HDAC9: variants seen among roughly 807,000 people sequenced by gnomAD.
HDAC9 encodes the protein MEF-2 interacting transcription repressor (MITR) protein.
HDAC9 carries 41 observed loss-of-function variants against 139.4 expected under a neutral mutation model. The observed-to-expected ratio is 0.29, with a 90% confidence interval of 0.23 to 0.38. The LOEUF is 0.38. HDAC9 is among the 10% of genes least tolerant of loss of function. The pLI, the probability that HDAC9 is intolerant of heterozygous loss-of-function variation, is 1.00. For missense variants in HDAC9, 1,147 were observed against 1,297.0 expected, an observed-to-expected ratio of 0.88 and a Z score of 1.78; for synonymous variants, 517 against 476.2, an observed-to-expected ratio of 1.09 and a Z score of -1.12.
intron 2 of HDAC9, among the ~76,000 whole-genome samples, chr7:18,225,628 A>T (rs763375315): frequency 4.6e-5 from 7 of 152,184 alleles, no homozygotes; most frequent in Non-Finnish European, 8.8e-5. Context: ...AATTGAATGA[A>T]TAAAAATTAA....
At chr7:18,677,727 T>C (rs1271744856) in intron 12 of HDAC9, among the ~76,000 whole-genome samples, 1 of 151,962 alleles carries the variant, frequency 6.6e-6, no homozygotes, top group Non-Finnish European at 1.5e-5. Flanking sequence ...TATTGTTGGT[T>C]ATCAAATTAT....
chr7:18,447,628 C>T (rs1792416936), intron 1 of HDAC9, among the ~76,000 whole-genome samples: 1 of 152,150 alleles, frequency 6.6e-6, no homozygotes, highest in African/African-American at 2.4e-5. Context: ...TCACCAATAC[C>T]TAAAACATCT....
At chr7:18,267,377 T>C (rs555147230) in intron 2 of HDAC9, among the ~76,000 whole-genome samples, 32 of 152,238 alleles carry the variant, frequency 2.1e-4, no homozygotes, top group African/African-American at 7.5e-4. Context: ...TGACGTACAA[T>C]AGATCTCTTG....
At chr7:18,333,091 A>G (rs1396288502) in intron 1 of HDAC9, among the ~76,000 whole-genome samples, 1 of 151,582 alleles carries the variant, frequency 6.6e-6, no homozygotes, top group Non-Finnish European at 1.5e-5. Flanking sequence ...TCACAATGTA[A>G]TAAAGCAGAA....
intron 13 of HDAC9, among the ~76,000 whole-genome samples, chr7:18,738,087 C>CT (rs1352127248): frequency 5.3e-5 from 8 of 151,666 alleles, no homozygotes; most frequent in South Asian, 4.2e-4. Flanking sequence ...GCAACCCCTG[C>CT]TTTTTTTTGC....
At chr7:18,710,108 A>G (rs1408071508) in intron 12 of HDAC9, among the ~76,000 whole-genome samples, 1 of 152,238 alleles carries the variant, frequency 6.6e-6, no homozygotes, top group Non-Finnish European at 1.5e-5. Flanking sequence ...GCAAAAGAGC[A>G]TGTGCAGGGG....
chr7:18,940,100 G>T (rs1181895698), intron 23 of HDAC9, among the ~76,000 whole-genome samples: 1 of 152,122 alleles, frequency 6.6e-6, no homozygotes, highest in Non-Finnish European at 1.5e-5. Flanking sequence ...CTTATGATCA[G>T]CAGAATAATA....
At chr7:18,149,273 G>A (rs1032034756) in intron 1 of HDAC9, among the ~76,000 whole-genome samples, 19 of 147,378 alleles carry the variant, frequency 1.3e-4, no homozygotes, top group Non-Finnish European at 2.6e-4. Context: ...TTATACATAA[G>A]AAAAAAGAAA....
intron 1 of HDAC9, among the ~76,000 whole-genome samples, chr7:18,415,018 T>A (rs1788917987): frequency 6.6e-6 from 1 of 152,212 alleles, no homozygotes; most frequent in Non-Finnish European, 1.5e-5. Context: ...TCCTCACCCT[T>A]CTTCTCATTG....
intron 1 of HDAC9, among the ~76,000 whole-genome samples, chr7:18,438,693 C>CTGTG (rs367824633): frequency 3.4e-4 from 50 of 147,720 alleles, no homozygotes; most frequent in African/African-American, 1.2e-3. Flanking sequence ...TATAATGTGT[C>CTGTG]TGTGTGTGTG....
At chr7:18,888,494 T>C in intron 22 of HDAC9, among the ~76,000 whole-genome samples, 1 of 152,210 alleles carries the variant, frequency 6.6e-6, no homozygotes, top group Non-Finnish European at 1.5e-5. Context: ...CAATAAACAA[T>C]AGGAAAAGTG....
intron 13 of HDAC9, among the ~76,000 whole-genome samples, chr7:18,735,353 G>T (rs1430898673): frequency 6.6e-6 from 1 of 152,148 alleles, no homozygotes; most frequent in Non-Finnish European, 1.5e-5. Flanking sequence ...TTCTTCTAGG[G>T]TTTTTATGGT....
At chr7:18,125,282 G>A (rs1375631024) in intron 1 of HDAC9, among the ~76,000 whole-genome samples, 1 of 152,062 alleles carries the variant, frequency 6.6e-6, no homozygotes, top group African/African-American at 2.4e-5. Context: ...GACTGGAGAG[G>A]GGAAGGGGCT....
chr7:18,345,751 G>T (rs1353676326), intron 1 of HDAC9, among the ~76,000 whole-genome samples: 1 of 151,892 alleles, frequency 6.6e-6, no homozygotes, highest in Non-Finnish European at 1.5e-5. Context: ...ATTTGACTGG[G>T]TGACTGATTC....
intron 22 of HDAC9, among the ~76,000 whole-genome samples, chr7:18,895,464 T>A (rs1333897032): frequency 6.6e-6 from 1 of 152,040 alleles, no homozygotes; most frequent in Non-Finnish European, 1.5e-5. Flanking sequence ...AGGAGGATGC[T>A]TGGAATTGAT....
chr7:18,829,337 T>A (rs1795690513), intron 18 of HDAC9, 121 bp downstream of exon 18: 2 of 1,113,206 alleles, frequency 1.8e-6, no homozygotes, highest in Non-Finnish European at 2.8e-6. Context: ...TGCGAGGTAC[T>A]CCCAGAAGCA....
At position 18,547,035 on chromosome 7, in the gene HDAC9, C is replaced by T. The variant is rs113410352; in HGVS notation, c.23-38246C>T. Among the ~76,000 whole-genome samples the T allele has an allele frequency of 5.3e-3, 784 of 148,436 alleles. 11 individuals are homozygous for T. Among genetic ancestry groups the T allele is most frequent in the African/African-American group, 0.018 (699 of 37,948 alleles). On this transcript the variant is annotated intron_variant, in intron 2 of 25. Coordinates refer to ENST00000686413, the MANE Select transcript of HDAC9 (RefSeq NM_178425.4). ...GCCTATAAAAGTTATGTTTACTCTACAGTGTAGTCATTTAAGTATGTAACA... is the reference window on the plus strand; with the variant it reads ...GCCTATAAAAGTTATGTTTACTCTATAGTGTAGTCATTTAAGTATGTAACA...
chr7:18,973,287 G>C (rs1245419417), intron 24 of HDAC9, among the ~76,000 whole-genome samples: 1 of 152,152 alleles, frequency 6.6e-6, no homozygotes, highest in Non-Finnish European at 1.5e-5. Context: ...CATGTAGTGT[G>C]TTTGTCAGAG....
In HDAC9 at chr7:18,996,323, T is replaced by C; in HGVS notation, c.*261T>C. 1 of 382,882 alleles carries C rather than the reference T, an allele frequency of 2.6e-6. No homozygotes were observed. Among genetic ancestry groups the C allele is most frequent in the Non-Finnish European group, 4.9e-6 (1 of 205,232 alleles). 23.7% of individuals were successfully genotyped at this position (382,882 alleles called of 1,614,324 possible). On this transcript the variant is annotated 3_prime_UTR_variant, in exon 26 of 26. Transcript: ENST00000686413. Reference sequence around the variant, plus strand: ...TGGAAGAAACTGCTTCCAGCATGCTTTTAATATGCTGGGTGACCCACTCCT... The same window carrying C: ...TGGAAGAAACTGCTTCCAGCATGCTCTTAATATGCTGGGTGACCCACTCCT...
Sources: allele counts gnomAD v4.1 joint callset (sites outside exome capture counted in the v4.1 genomes callset), GRCh38; gene constraint gnomAD v4.1.1; transcripts MANE v1.5; gene names NCBI Gene and HGNC (gene_info 2026-07-23, HGNC 2026-07-21).